Variants in CLVS1 observed in about 807,000 individuals in gnomAD.
CLVS1 encodes the protein clavesin-1.
In CLVS1, 10 loss-of-function variants were observed where a neutral mutation model predicts 33.1. The ratio of observed to expected loss-of-function variants is 0.30; its 90% CI spans 0.19 to 0.51. CLVS1 has a LOEUF of 0.51. Among genes scored for constraint, CLVS1 ranks in the 20% least tolerant of loss-of-function variants. The pLI is 0.97. For missense variants in CLVS1, 343 were observed against 433.4 expected, an observed-to-expected ratio of 0.79 and a Z score of 1.85; for synonymous variants, 163 against 166.1, an observed-to-expected ratio of 0.98 and a Z score of 0.14.
At chr8:61,085,722 C>T (rs369173461) in intron 1 of CLVS1, among the ~76,000 whole-genome samples, 1 of 140,934 alleles carries the variant, frequency 7.1e-6, no homozygotes, top group Non-Finnish European at 1.5e-5. Flanking sequence ...GAAACCCCAT[C>T]CCTACCAAAA....
intron 3 of CLVS1, among the ~76,000 whole-genome samples, chr8:61,389,876 A>C (rs948632969): frequency 3.9e-5 from 6 of 152,262 alleles, no homozygotes; most frequent in Non-Finnish European, 7.3e-5. Flanking sequence ...ATATCTTGGA[A>C]GCTCCAGAAA....
At chr8:61,107,775 G>C (rs1271053770) in intron 1 of CLVS1, among the ~76,000 whole-genome samples, 1 of 152,170 alleles carries the variant, frequency 6.6e-6, no homozygotes, top group East Asian at 1.9e-4. Flanking sequence ...CACCTGAGCT[G>C]CTTTAAAAAT....
At chr8:61,389,076 A>G (rs1336722487) in intron 3 of CLVS1, among the ~76,000 whole-genome samples, 6 of 152,192 alleles carry the variant, frequency 3.9e-5, no homozygotes, top group Admixed American at 3.9e-4. Context: ...TAATGTACAC[A>G]CTTTATTCTT....
chr8:61,182,626 G>A (rs555778318), intron 2 of CLVS1, among the ~76,000 whole-genome samples: 2 of 152,092 alleles, frequency 1.3e-5, no homozygotes, highest in Non-Finnish European at 2.9e-5. Flanking sequence ...AAACCCCAGC[G>A]AGATACCGTC....
chr8:60,975,743 C>T, the CLVS1 span, among the ~76,000 whole-genome samples: 1 of 152,196 alleles, frequency 6.6e-6, no homozygotes, highest in East Asian at 1.9e-4. Flanking sequence ...CTTCCTCACC[C>T]CCTCTTCCTG....
chr8:61,122,781 G>A (rs932337655), intron 1 of CLVS1, among the ~76,000 whole-genome samples: 4 of 152,140 alleles, frequency 2.6e-5, no homozygotes, highest in African/African-American at 9.7e-5. Flanking sequence ...AGACCAAGGT[G>A]CTTTTGACCA....
the CLVS1 span, among the ~76,000 whole-genome samples, chr8:61,023,288 CTG>C: frequency 2.6e-5 from 4 of 152,208 alleles, no homozygotes; most frequent in African/African-American, 9.7e-5. Context: ...GCTGGGCTCT[CTG>C]TGCCCTCAAT....
intron 2 of CLVS1, among the ~76,000 whole-genome samples, chr8:61,210,877 G>T (rs1249197833): frequency 6.6e-6 from 1 of 152,120 alleles, no homozygotes; most frequent in Non-Finnish European, 1.5e-5. Flanking sequence ...AGCTTGTAGA[G>T]TAGGAGAATC....
At chr8:61,032,997 GAAAGAAAGAAAGAAAGAAA>G in the CLVS1 span, among the ~76,000 whole-genome samples, 1 of 44,798 alleles carries the variant, frequency 2.2e-5, no homozygotes, top group African/African-American at 8.2e-5. Flanking sequence ...AGGAAGGAAA[GAAAGAAAGAAAGAAAGAAA>G]GAAAGAAAGA....
intron 5 of CLVS1, among the ~76,000 whole-genome samples, chr8:61,495,941 T>C (rs897600268): frequency 1.8e-4 from 28 of 152,096 alleles, no homozygotes; most frequent in South Asian, 6.2e-4. Flanking sequence ...TGGGCAGGTG[T>C]GGGAGGGCTA....
At chr8:61,248,230 C>T (rs1426455978) in intron 2 of CLVS1, among the ~76,000 whole-genome samples, 1 of 152,034 alleles carries the variant, frequency 6.6e-6, no homozygotes, top group Non-Finnish European at 1.5e-5. Context: ...ATTCTTCCAG[C>T]TTTGTTCTTT....
At position 61,218,322 on chromosome 8, in the gene CLVS1, TA is replaced by T. The variant is rs555234551; in HGVS notation, c.-151-81349del. Among the ~76,000 whole-genome samples the T allele has an allele frequency of 7.6e-5, 11 of 144,756 alleles. No individual in the cohort carries two copies. In the South Asian group the frequency reaches 1.8e-3, roughly 24 times the overall value. The allele number at this position is 144,756 out of a possible 152,430, so 95.0% of individuals were successfully genotyped here. On this transcript the variant is annotated intron_variant, in intron 2 of 2. Transcript: ENST00000522621. ...TATACCATGGAATACTACTCAGCCA[TA>T]AAAAAGAATGAAATCCTGTTATTCA...
At chr8:61,178,177 C>T (rs1807154779) in intron 2 of CLVS1, among the ~76,000 whole-genome samples, 1 of 152,086 alleles carries the variant, frequency 6.6e-6, no homozygotes, top group South Asian at 2.1e-4. Flanking sequence ...CTGAAAAACA[C>T]AGCACAAGAA....
intron 2 of CLVS1, among the ~76,000 whole-genome samples, chr8:61,372,370 G>A (rs548612459): frequency 6.6e-6 from 1 of 152,150 alleles, no homozygotes; most frequent in East Asian, 1.9e-4. Flanking sequence ...ATTTACTCTG[G>A]CAGATTATAA....
At chr8:61,133,248 T>C (rs1806134645) in intron 2 of CLVS1, among the ~76,000 whole-genome samples, 1 of 151,288 alleles carries the variant, frequency 6.6e-6, no homozygotes, top group Non-Finnish European at 1.5e-5. Flanking sequence ...CTGTAAAAGA[T>C]AGGAAGGGGG....
chr8:61,149,776 G>C (rs965726614), intron 2 of CLVS1, among the ~76,000 whole-genome samples: 1 of 152,120 alleles, frequency 6.6e-6, no homozygotes, highest in Non-Finnish European at 1.5e-5. Context: ...TTTTCAAAGA[G>C]AGTATTGTAG....
At chr8:60,981,081 C>T in the CLVS1 span, among the ~76,000 whole-genome samples, 1 of 152,140 alleles carries the variant, frequency 6.6e-6, no homozygotes, top group Non-Finnish European at 1.5e-5. Flanking sequence ...AATTTCAGCC[C>T]AGTGATGCTG....
chr8:61,476,962 G>A (rs1586029793), intron 5 of CLVS1, among the ~76,000 whole-genome samples: 1 of 152,122 alleles, frequency 6.6e-6, no homozygotes, highest in Non-Finnish European at 1.5e-5. Flanking sequence ...ATTATTTTGA[G>A]ATACATCCCA....
intron 1 of CLVS1, among the ~76,000 whole-genome samples, chr8:61,106,320 G>T (rs994710005): frequency 1.3e-5 from 2 of 152,226 alleles, no homozygotes; most frequent in African/African-American, 4.8e-5. Context: ...CAGGTGGATG[G>T]CTCGCTGTTG....
Sources: gnomAD v4.1 joint callset for allele counts (sites outside exome capture counted in the v4.1 genomes callset) on GRCh38, gnomAD v4.1.1 for gene constraint, MANE v1.5 for transcripts, NCBI Gene and HGNC (gene_info 2026-07-23, HGNC 2026-07-21) for gene names.